Variants in SLC49A4 observed in about 807,000 individuals in gnomAD.
SLC49A4 encodes the protein disrupted in renal cancer protein 2.
In SLC49A4, 36 loss-of-function variants were observed where a neutral mutation model predicts 50.6. The observed-to-expected ratio is 0.71, with a 90% CI of 0.55 to 0.94. The LOEUF is 0.94. SLC49A4 is among the 40% of genes least tolerant of loss of function. The probability of loss-of-function intolerance (pLI) is 0.00; values close to 1 mark genes in which losing one functional copy is unlikely to be tolerated. For synonymous variants in SLC49A4, 248 were observed against 241.2 expected (o/e 1.03, Z -0.26); for missense variants, 503 against 605.7 (o/e 0.83, Z 1.78).
intron 1 of SLC49A4, among the ~76,000 whole-genome samples, chr3:122,806,463 T>A (rs1325672110): frequency 6.6e-6 from 1 of 152,110 alleles, no homozygotes; most frequent in Non-Finnish European, 1.5e-5. Context: ...CTGTAGCCTC[T>A]GCCTCCCAGG....
chr3:122,846,944 G>A (rs567285215), intron 5 of SLC49A4, among the ~76,000 whole-genome samples: 3 of 152,298 alleles, frequency 2.0e-5, no homozygotes, highest in African/African-American at 7.2e-5. Context: ...GAAATGGGCT[G>A]CACATATAAA....
At chr3:122,810,142 CT>C (rs1476303106) in intron 2 of SLC49A4, among the ~76,000 whole-genome samples, 2 of 152,184 alleles carry the variant, frequency 1.3e-5, no homozygotes, top group Non-Finnish European at 2.9e-5. Flanking sequence ...AATGGCTCCC[CT>C]GCACCCTTGA....
intron 1 of SLC49A4, among the ~76,000 whole-genome samples, chr3:122,797,063 C>T (rs1222487869): frequency 1.3e-5 from 2 of 152,142 alleles, no homozygotes; most frequent in African/African-American, 2.4e-5. Flanking sequence ...TCCTTCTCTC[C>T]TCCTTCACTG....
chr3:122,857,562 T>C (rs1344197396), intron 6 of SLC49A4, among the ~76,000 whole-genome samples: 1 of 152,198 alleles, frequency 6.6e-6, no homozygotes, highest in African/African-American at 2.4e-5. Context: ...GACTTTATGG[T>C]TCACATAGTG....
intron 3 of SLC49A4, among the ~76,000 whole-genome samples, chr3:122,832,580 C>A (rs541958519): frequency 4.6e-5 from 7 of 152,208 alleles, no homozygotes; most frequent in South Asian, 4.2e-4. Context: ...TCAAACAAAC[C>A]TCCTATCCTG....
Position 122,845,869 on chromosome 3 carries a change from CAAGT to C in SLC49A4, c.942+4_942+7del. 3 of 1,597,548 alleles carry C rather than the reference CAAGT, an allele frequency of 1.9e-6. No homozygotes were observed. Among genetic ancestry groups the C allele is most frequent in the Non-Finnish European group, 2.6e-6 (3 of 1,169,560 alleles). Reference sequence around the variant, plus strand: ...AATTTTAACACCAGCGCATGTCAGCCAAGTAAGTATTTTATTTCTTTATATGTTG... The same window carrying C: ...AATTTTAACACCAGCGCATGTCAGCCAAGTATTTTATTTCTTTATATGTTG... On this transcript the variant is annotated splice_donor_variant and coding_sequence_variant, in exon 5 of 9. Transcript: ENST00000261038. LOFTEE classifies it high-confidence loss of function.
chr3:122,814,615 A>G (rs1026777442), intron 2 of SLC49A4, among the ~76,000 whole-genome samples: 6 of 152,226 alleles, frequency 3.9e-5, no homozygotes, highest in Non-Finnish European at 5.9e-5. Flanking sequence ...AACCAAAAAT[A>G]TTGAGGCTCA....
At chr3:122,876,137 T>C (rs889792645) in intron 8 of SLC49A4, among the ~76,000 whole-genome samples, 2 of 152,226 alleles carry the variant, frequency 1.3e-5, no homozygotes, top group African/African-American at 2.4e-5. Flanking sequence ...GAGAATCCCA[T>C]TGAGTTGACA....
intron 6 of SLC49A4, among the ~76,000 whole-genome samples, chr3:122,856,767 G>A (rs1445871020): frequency 2.6e-5 from 4 of 151,438 alleles, no homozygotes; most frequent in Non-Finnish European, 5.9e-5. Flanking sequence ...ACCCCGGGAG[G>A]CAGAGGTTGC....
At chr3:122,855,766 A>G (rs1354000987) in intron 5 of SLC49A4, among the ~76,000 whole-genome samples, 2 of 152,216 alleles carry the variant, frequency 1.3e-5, no homozygotes, top group Non-Finnish European at 2.9e-5. Flanking sequence ...TTTTACAGGT[A>G]AAAAGGCATA....
chr3:122,877,341 G>A (rs1290602514), intron 8 of SLC49A4, among the ~76,000 whole-genome samples: 1 of 152,184 alleles, frequency 6.6e-6, no homozygotes, highest in African/African-American at 2.4e-5. Context: ...AGGTGGATTT[G>A]ACTTTTGAGA....
chr3:122,878,378 A>T (rs2107586466), intron 8 of SLC49A4, among the ~76,000 whole-genome samples: 1 of 152,256 alleles, frequency 6.6e-6, no homozygotes, highest in Admixed American at 6.5e-5. Flanking sequence ...GAGCCTTGGG[A>T]TTGACTGGCA....
intron 1 of SLC49A4, among the ~76,000 whole-genome samples, chr3:122,800,242 A>G (rs1210508840): frequency 1.3e-5 from 2 of 152,250 alleles, no homozygotes; most frequent in African/African-American, 4.8e-5. Context: ...TCCAACATTC[A>G]GAGGTTGGGG....
rs956552649 is a variant in SLC49A4, at chr3:122,880,237, A to G, written c.*859A>G. The G allele has an allele frequency of 6.6e-6, 1 of 152,224 alleles. No homozygotes were observed. Among genetic ancestry groups the G allele is most frequent in the Non-Finnish European group, 1.5e-5 (1 of 68,032 alleles). The allele number at this position is 152,224 out of a possible 1,614,324, so 9.4% of individuals were successfully genotyped here. ...TGAGATGTAATGTCCAGAGCCAACA[A>G]TTATTTACCAGGGTTAGATTTTATT... On this transcript the variant is annotated 3_prime_UTR_variant, in exon 9 of 9. Coordinates refer to ENST00000261038, the MANE Select transcript of SLC49A4 (RefSeq NM_032839.3).
At chr3:122,837,155 C>G (rs955718126) in intron 4 of SLC49A4, among the ~76,000 whole-genome samples, 1 of 152,138 alleles carries the variant, frequency 6.6e-6, no homozygotes, top group African/African-American at 2.4e-5. Context: ...TTTATAGATT[C>G]AATGCCATCC....
intron 1 of SLC49A4, among the ~76,000 whole-genome samples, chr3:122,806,412 C>G (rs898170367): frequency 1.3e-5 from 2 of 152,126 alleles, no homozygotes; most frequent in African/African-American, 4.8e-5. Context: ...GAGTCTCACT[C>G]TGTCGCCCAG....
chr3:122,795,498 G>C lies in SLC49A4; in HGVS notation c.306G>C (p.Leu102=), dbSNP rs1163240859. 1 of 1,602,564 alleles carries C rather than the reference G, an allele frequency of 6.2e-7. No individual in the cohort carries two copies. The highest frequency in any genetic ancestry group is 8.5e-7 in the Non-Finnish European group (1 of 1,178,468). Residue 102 remains leucine (L), a synonymous_variant, in exon 1 of 9, where the codon CTG becomes CTC. Coordinates refer to ENST00000261038, the MANE Select transcript of SLC49A4 (RefSeq NM_032839.3). ...LLVLWGPIGF[L]PCFAFMWLLD... The stretch of plus-strand genomic sequence containing the variant: ...TGCTGTGGGGGCCCATCGGCTTCCT[G>C]CCCTGCTTCGCGTTCATGTGGCTCC...
Position 122,880,366 on chromosome 3 carries a change from C to G in SLC49A4, c.*988C>G, listed in dbSNP as rs1403266492. On this transcript the variant is annotated 3_prime_UTR_variant, in exon 9 of 9. Coordinates refer to ENST00000261038, the MANE Select transcript of SLC49A4 (RefSeq NM_032839.3). ...GTGTTTCAGCTTAGGTTGTAAAATA[C>G]TCCGTTCTCTGTGGAGTCAGCATAT... 1 of 152,344 alleles carries G rather than the reference C, an allele frequency of 6.6e-6. No homozygotes were observed. Among genetic ancestry groups the G allele is most frequent in the Non-Finnish European group, 1.5e-5 (1 of 68,036 alleles). 9.4% of individuals were successfully genotyped at this position (152,344 alleles called of 1,614,324 possible). A position where few individuals can be genotyped will look rare whatever the true frequency, so the allele number is the denominator to read the frequency against.
At chr3:122,871,276 G>A (rs1937194495) in intron 7 of SLC49A4, among the ~76,000 whole-genome samples, 1 of 152,084 alleles carries the variant, frequency 6.6e-6, no homozygotes, top group Non-Finnish European at 1.5e-5. Flanking sequence ...AATTGGAGGG[G>A]AAGCAAGAGT....
Sources: allele counts gnomAD v4.1 joint callset (sites outside exome capture counted in the v4.1 genomes callset), GRCh38; gene constraint gnomAD v4.1.1; transcripts MANE v1.5; gene names NCBI Gene and HGNC (gene_info 2026-07-23, HGNC 2026-07-21).